Variants in NCOR1 observed in about 807,000 individuals in gnomAD.
The protein encoded by NCOR1 is nuclear receptor corepressor 1, also known as protein phosphatase 1, regulatory subunit 109.
In NCOR1, 63 loss-of-function variants were observed where a neutral mutation model predicts 288.1. The observed-to-expected ratio is 0.22, with a 90% CI of 0.18 to 0.27. NCOR1 has a LOEUF of 0.27. Ranked by LOEUF, NCOR1 falls within the 10% of genes least tolerant of loss-of-function variation. The pLI, the probability that NCOR1 is intolerant of heterozygous loss-of-function variation, is 1.00. For synonymous variants in NCOR1, 1,007 were observed against 1,065.9 expected, an observed-to-expected ratio of 0.94 and a Z score of 1.08; for missense variants, 2,397 against 3,019.2, an observed-to-expected ratio of 0.79 and a Z score of 4.83.
At chr17:16,050,632 T>C (rs1278529003) in intron 40 of NCOR1, among the ~76,000 whole-genome samples, 1 of 152,360 alleles carries the variant, frequency 6.6e-6, no homozygotes, top group Non-Finnish European at 1.5e-5. Flanking sequence ...TGATTTGTTA[T>C]GGCCTTTCTC....
intron 18 of NCOR1, among the ~76,000 whole-genome samples, chr17:16,114,951 T>A (rs1485985446): frequency 6.6e-6 from 1 of 152,082 alleles, no homozygotes; most frequent in Non-Finnish European, 1.5e-5. Flanking sequence ...CCATTTCCCT[T>A]CTGCACTGCC....
intron 1 of NCOR1, among the ~76,000 whole-genome samples, chr17:16,195,129 ATT>A (rs1446314598): frequency 6.6e-6 from 1 of 152,330 alleles, no homozygotes; most frequent in African/African-American, 2.4e-5. Context: ...GTAGATGGAC[ATT>A]TGTTATATTA....
At chr17:16,054,339 A>G (rs556153646) in intron 40 of NCOR1, among the ~76,000 whole-genome samples, 1 of 152,276 alleles carries the variant, frequency 6.6e-6, no homozygotes, top group Non-Finnish European at 1.5e-5. Flanking sequence ...ATGTATAAAG[A>G]GCTTAAACAA....
In NCOR1 at chr17:16,101,243, G is replaced by A; in HGVS notation, c.2690+7C>T. On this transcript the variant is annotated splice_region_variant and intron_variant, in intron 20 of 45. Coordinates refer to ENST00000268712, the MANE Select transcript of NCOR1 (RefSeq NM_006311.4). ...AGCACGGGGAGGACTTATGGAACGA[G>A]CCTCACCTCTGCCTCTCTGGCTCTC... The A allele has an allele frequency of 6.3e-7, 1 of 1,575,580 alleles. No homozygotes were observed. Among genetic ancestry groups the A allele is most frequent in the Non-Finnish European group, 8.6e-7 (1 of 1,161,470 alleles).
intron 26 of NCOR1, among the ~76,000 whole-genome samples, chr17:16,076,704 T>C (rs1056525155): frequency 1.3e-5 from 2 of 152,194 alleles, no homozygotes; most frequent in African/African-American, 4.8e-5. Flanking sequence ...GAAAAGTAGA[T>C]TTTATACAAA....
At chr17:16,080,202 T>G in intron 25 of NCOR1, 138 bp from the exon 26 acceptor site, 1 of 819,802 alleles carries the variant, frequency 1.2e-6, no homozygotes, top group Non-Finnish European at 1.9e-6. Flanking sequence ...GTTTGTTTTA[T>G]TAAAATGTAC....
chr17:16,075,962 G>A (rs978345906), intron 26 of NCOR1, among the ~76,000 whole-genome samples: 13 of 152,214 alleles, frequency 8.5e-5, no homozygotes, highest in African/African-American at 2.9e-4. Flanking sequence ...TCACCTTCAT[G>A]TGAGGACTCT....
At chr17:16,096,869 G>A (rs1214644535) in intron 21 of NCOR1, among the ~76,000 whole-genome samples, 1 of 152,182 alleles carries the variant, frequency 6.6e-6, no homozygotes, top group Non-Finnish European at 1.5e-5. Flanking sequence ...TAGTCCAGAG[G>A]TGGAAGCAAT....
intron 10 of NCOR1, among the ~76,000 whole-genome samples, chr17:16,144,948 T>C (rs982591940): frequency 1.3e-5 from 2 of 152,152 alleles, no homozygotes; most frequent in African/African-American, 4.8e-5. Context: ...CTTTCCACCG[T>C]CTCCCTCTGT....
intron 1 of NCOR1, among the ~76,000 whole-genome samples, chr17:16,204,670 A>C (rs779201561): frequency 2.0e-5 from 3 of 152,260 alleles, no homozygotes; most frequent in Non-Finnish European, 4.4e-5. Context: ...GAAAGTCTTA[A>C]GTAGAGCACA....
At chr17:16,072,065 A>T in intron 29 of NCOR1, 80 bp downstream of exon 29, 1 of 1,117,264 alleles carries the variant, frequency 9.0e-7, no homozygotes, top group Non-Finnish European at 1.3e-6. Flanking sequence ...GAAAAGCAGA[A>T]ATACACTGTA....
intron 27 of NCOR1, among the ~76,000 whole-genome samples, chr17:16,074,043 G>A (rs1245904214): frequency 2.0e-5 from 3 of 152,154 alleles, no homozygotes; most frequent in East Asian, 1.9e-4. Flanking sequence ...CAGTGAACAC[G>A]AAGACCCCAA....
At chr17:16,105,720 A>AAAAC (rs34862194) in intron 19 of NCOR1, among the ~76,000 whole-genome samples, 2,061 of 151,080 alleles carry the variant, frequency 0.014, 65 homozygotes, top group Admixed American at 0.08. Context: ...AAGTCTCCAA[A>AAAAC]AAACAAACAA....
chr17:16,182,419 TCACAGAAAAC>T (rs2085669422), intron 3 of NCOR1, among the ~76,000 whole-genome samples: 1 of 152,168 alleles, frequency 6.6e-6, no homozygotes, highest in South Asian at 2.1e-4. Context: ...GGGCCTAAAA[TCACAGAAAAC>T]TTAAATAAAT....
At chr17:16,120,969 A>G in intron 16 of NCOR1, 83 bp downstream of exon 16, 1 of 1,258,432 alleles carries the variant, frequency 7.9e-7, no homozygotes, top group East Asian at 2.4e-5. Flanking sequence ...GTCAATATTA[A>G]AAGTCCTTTC....
At chr17:16,106,183 CA>C (rs1188841069) in intron 19 of NCOR1, among the ~76,000 whole-genome samples, 1 of 152,094 alleles carries the variant, frequency 6.6e-6, no homozygotes. Flanking sequence ...GAAAAGCTAA[CA>C]AAAAGCCCAA....
chr17:16,106,134 G>A (rs932776670), intron 19 of NCOR1, among the ~76,000 whole-genome samples: 1 of 151,852 alleles, frequency 6.6e-6, no homozygotes, highest in Non-Finnish European at 1.5e-5. Context: ...AACAAAAACG[G>A]CAGCCATTAT....
intron 40 of NCOR1, among the ~76,000 whole-genome samples, chr17:16,056,787 CAT>C (rs2059977818): frequency 6.6e-6 from 1 of 152,060 alleles, no homozygotes; most frequent in Non-Finnish European, 1.5e-5. Context: ...TGGCATATAA[CAT>C]GTTTCCACTC....
At chr17:16,187,531 T>G (rs1386592463) in intron 2 of NCOR1, among the ~76,000 whole-genome samples, 2 of 130,396 alleles carry the variant, frequency 1.5e-5, no homozygotes, top group Non-Finnish European at 3.4e-5. Context: ...GAAAACATTA[T>G]ACTAAGTTTA....
Sources: allele counts gnomAD v4.1 joint callset (sites outside exome capture counted in the v4.1 genomes callset), GRCh38; gene constraint gnomAD v4.1.1; transcripts MANE v1.5; gene names NCBI Gene and HGNC (gene_info 2026-07-23, HGNC 2026-07-21).